Variants in PHF14 observed in about 807,000 individuals in gnomAD.
PHF14 encodes the protein PHD finger protein 14.
In PHF14, 55 loss-of-function variants were observed where a neutral mutation model predicts 117.9. The ratio of observed to expected loss-of-function variants is 0.47; its 90% confidence interval spans 0.38 to 0.58. The LOEUF (loss-of-function observed/expected upper bound fraction) is 0.58, where lower values mean the gene tolerates loss of function less well. Among genes scored for constraint, PHF14 ranks in the 20% least tolerant of loss-of-function variants. The pLI is 0.00. For missense variants in PHF14, 978 were observed against 1,122.2 expected (o/e 0.87, Z 1.84); for synonymous variants, 409 against 368.6 (o/e 1.11, Z -1.26).
rs549864434 is a variant in PHF14 at position 10,999,600 on chromosome 7, C to T, written c.1045+8753C>T. Among the ~76,000 whole-genome samples the T allele has an allele frequency of 5.1e-4, 78 of 152,224 alleles. 2 individuals carry two copies. The highest frequency in any genetic ancestry group is 1.8e-3 in the African/African-American group (76 of 41,538). On this transcript the variant is annotated intron_variant, in intron 4 of 17. Coordinates refer to ENST00000634607, the MANE Select transcript of PHF14 (RefSeq NM_001007157.2). The stretch of plus-strand genomic sequence containing the variant: ...GTTCTTTCCCAGTAGATTCATTGTT[C>T]AGATAAACATAGATTTCTGTAAGGG...
intron 17 of PHF14, 58 bp downstream of exon 17, chr7:11,111,525 C>G: frequency 1.3e-6 from 1 of 792,096 alleles, no homozygotes; most frequent in Non-Finnish European, 2.1e-6. Context: ...ATAGCTTTCC[C>G]ATGTCACACA....
chr7:11,122,352 T>TACACACACACACACACACAC (rs747467173), intron 17 of PHF14, among the ~76,000 whole-genome samples: 6 of 65,862 alleles, frequency 9.1e-5, no homozygotes, highest in Admixed American at 3.5e-4. Context: ...TATATATATA[T>TACACACACACACACACACAC]ACACACACAC....
At chr7:11,107,739 TA>T in intron 16 of PHF14, 1 of 825,928 alleles carries the variant, frequency 1.2e-6, no homozygotes, top group South Asian at 5.6e-5. Flanking sequence ...TATATTGTGT[TA>T]TATCCCTATA....
At chr7:11,072,624 A>G (rs1215047462) in intron 16 of PHF14, among the ~76,000 whole-genome samples, 2 of 152,250 alleles carry the variant, frequency 1.3e-5, no homozygotes, top group Non-Finnish European at 2.9e-5. Context: ...TAAAGGCTAT[A>G]TATATGCAAA....
intron 16 of PHF14, among the ~76,000 whole-genome samples, chr7:11,081,843 G>T (rs1363871803): frequency 6.7e-6 from 1 of 149,492 alleles, no homozygotes; most frequent in Non-Finnish European, 1.5e-5. Context: ...GCGACAGAAT[G>T]AGACTCCGTC....
intron 2 of PHF14, among the ~76,000 whole-genome samples, chr7:10,975,888 G>C (rs559924928): frequency 6.6e-6 from 1 of 152,284 alleles, no homozygotes; most frequent in African/African-American, 2.4e-5. Flanking sequence ...TTTCCTGCTA[G>C]GGATAGTAGG....
At chr7:11,093,459 A>G (rs1786723493) in intron 16 of PHF14, among the ~76,000 whole-genome samples, 1 of 152,166 alleles carries the variant, frequency 6.6e-6, no homozygotes, top group South Asian at 2.1e-4. Context: ...TCAGTGTACC[A>G]CAAGGCTTCA....
chr7:10,989,782 C>T (rs1321883530), intron 3 of PHF14, among the ~76,000 whole-genome samples: 2 of 152,142 alleles, frequency 1.3e-5, no homozygotes, highest in Non-Finnish European at 2.9e-5. Context: ...GGGCATGCAT[C>T]ACCACGCCCA....
intron 3 of PHF14, among the ~76,000 whole-genome samples, chr7:10,984,916 G>A (rs1480532741): frequency 6.6e-6 from 1 of 152,104 alleles, no homozygotes; most frequent in Non-Finnish European, 1.5e-5. Flanking sequence ...TTCCAGGAAT[G>A]AGATTCCAAA....
intron 17 of PHF14, among the ~76,000 whole-genome samples, chr7:11,162,677 G>A (rs2128357425): frequency 6.6e-6 from 1 of 150,824 alleles, no homozygotes; most frequent in South Asian, 2.1e-4. Context: ...TTGATCCCAG[G>A]TCATACATGG....
chr7:10,974,102 G>A lies in PHF14; in HGVS notation c.-222G>A, dbSNP rs1781777232. ...CTTCTCCGGCCAGGGAGCGCTGTGG[G>A]AAGGGGCTCGAGCGGCCAGGGCCAG... is the stretch of plus-strand genomic sequence containing the variant. On this transcript the variant is annotated 5_prime_UTR_variant, in exon 1 of 18. Coordinates refer to ENST00000634607, the MANE Select transcript of PHF14 (RefSeq NM_001007157.2). The A allele has an allele frequency of 3.7e-6, 2 of 538,922 alleles. No individual in the cohort carries two copies. The highest frequency in any genetic ancestry group is 1.9e-5 in the African/African-American group (1 of 51,994). The allele number at this position is 538,922 out of a possible 1,614,324, so 33.4% of individuals were successfully genotyped here.
At chr7:11,156,578 A>G (rs1163561541) in intron 17 of PHF14, among the ~76,000 whole-genome samples, 1 of 152,048 alleles carries the variant, frequency 6.6e-6, no homozygotes, top group Non-Finnish European at 1.5e-5. Flanking sequence ...CGGATCACCT[A>G]AGGTCGGGAG....
chr7:11,047,620 C>T (rs1179561669), intron 13 of PHF14, among the ~76,000 whole-genome samples: 1 of 150,340 alleles, frequency 6.7e-6, no homozygotes, highest in Non-Finnish European at 1.5e-5. Context: ...AACCCTGTCT[C>T]TACTAAAAAT....
intron 4 of PHF14, among the ~76,000 whole-genome samples, chr7:11,002,817 C>T (rs550895017): frequency 6.6e-6 from 1 of 152,288 alleles, no homozygotes; most frequent in South Asian, 2.1e-4. Flanking sequence ...AAATGAAATG[C>T]TGATGACAAA....
At chr7:11,146,447 A>C (rs1456379840) in intron 17 of PHF14, among the ~76,000 whole-genome samples, 1 of 152,188 alleles carries the variant, frequency 6.6e-6, no homozygotes, top group Non-Finnish European at 1.5e-5. Flanking sequence ...ATCTAGACTC[A>C]GGACCTCCAT....
At chr7:10,980,944 G>GT (rs1386846285) in intron 2 of PHF14, among the ~76,000 whole-genome samples, 6 of 152,040 alleles carry the variant, frequency 3.9e-5, no homozygotes, top group Admixed American at 2.6e-4. Context: ...GGATAAGAGT[G>GT]TTTTTTTCAG....
chr7:10,983,078 T>A lies in PHF14; in HGVS notation c.819T>A (p.Ser273Arg). The change falls in exon 3 of 18, where the codon AGT becomes AGA. Residue 273 changes from serine (S) to arginine (R), a missense_variant. Physicochemically the swap from Ser to Arg is moderately radical, Grantham distance 110. This residue lies in a region of PHF14 where 414 missense variants were observed against 376.4 expected (regional missense o/e 1.10). Transcript: ENST00000634607. ...AAGGGGGTTGCAAGAAGAAGAAGAGTAAAGTTCTTAGCAGAAACAGTGCTG... is the reference window on the plus strand; with the variant it reads ...AAGGGGGTTGCAAGAAGAAGAAGAGAAAAGTTCTTAGCAGAAACAGTGCTG... ...ASEGGCKKKK[S>R]KVLSRNSADD... 1 of 1,598,636 alleles carries A rather than the reference T, an allele frequency of 6.3e-7. No individual in the cohort carries two copies. Among genetic ancestry groups the A allele is most frequent in the Non-Finnish European group, 8.5e-7 (1 of 1,179,276 alleles).
intron 17 of PHF14, among the ~76,000 whole-genome samples, chr7:11,146,157 A>G (rs1379663344): frequency 1.6e-4 from 24 of 152,272 alleles, no homozygotes; most frequent in African/African-American, 5.5e-4. Flanking sequence ...AAATATATTC[A>G]CATTACTTAC....
chr7:11,080,320 T>C (rs1216968347), intron 16 of PHF14, among the ~76,000 whole-genome samples: 2 of 152,166 alleles, frequency 1.3e-5, no homozygotes, highest in Non-Finnish European at 2.9e-5. Flanking sequence ...TGTTAACATC[T>C]CACTTTAAAA....
Sources: allele counts gnomAD v4.1 joint callset (sites outside exome capture counted in the v4.1 genomes callset), GRCh38; gene constraint gnomAD v4.1.1; regional missense constraint gnomAD v4.1.1; transcripts MANE v1.5; gene names NCBI Gene and HGNC (gene_info 2026-07-23, HGNC 2026-07-21).